Variants in PLCB1 observed in about 807,000 individuals in gnomAD.
The protein encoded by PLCB1 is phospholipase C beta 1.
In PLCB1, 46 loss-of-function variants were observed where a neutral mutation model predicts 161.8. The observed-to-expected ratio is 0.28, with a 90% CI of 0.22 to 0.36. The LOEUF is 0.36. Among genes scored for constraint, PLCB1 ranks in the 10% least tolerant of loss-of-function variants. The pLI, the probability that PLCB1 is intolerant of heterozygous loss-of-function variation, is 1.00. For synonymous variants in PLCB1, 517 were observed against 503.7 expected (o/e 1.03, Z -0.35); for missense variants, 1,016 against 1,472.5 (o/e 0.69, Z 5.07).
At chr20:8,724,299 C>G (rs1208357803) in intron 15 of PLCB1, among the ~76,000 whole-genome samples, 3 of 152,054 alleles carry the variant, frequency 2.0e-5, no homozygotes, top group Non-Finnish European at 4.4e-5. Flanking sequence ...CAGTGCTTCT[C>G]AAACTTTGAT....
chr20:8,395,766 T>C (rs1048057677), intron 3 of PLCB1, among the ~76,000 whole-genome samples: 1 of 151,974 alleles, frequency 6.6e-6, no homozygotes, highest in Non-Finnish European at 1.5e-5. Context: ...AAGGATACTG[T>C]AGAGCATTTG....
At chr20:8,655,583 A>T (rs1265692277) in intron 7 of PLCB1, among the ~76,000 whole-genome samples, 2 of 152,080 alleles carry the variant, frequency 1.3e-5, no homozygotes, top group African/African-American at 4.8e-5. Context: ...GAAGGAAAAG[A>T]GAGGTCAGTA....
At chr20:8,401,058 A>G (rs1036837285) in intron 3 of PLCB1, among the ~76,000 whole-genome samples, 1 of 152,152 alleles carries the variant, frequency 6.6e-6, no homozygotes, top group Non-Finnish European at 1.5e-5. Context: ...ACCATGTTTG[A>G]TTGAATTTTT....
chr20:8,767,697 C>G (rs80008638), intron 26 of PLCB1, among the ~76,000 whole-genome samples: 1 of 152,142 alleles, frequency 6.6e-6, no homozygotes, highest in Non-Finnish European at 1.5e-5. Flanking sequence ...TGGCGGACCA[C>G]AGGGGGCTTC....
At chr20:8,704,083 G>A (rs2123442662) in intron 11 of PLCB1, among the ~76,000 whole-genome samples, 1 of 152,316 alleles carries the variant, frequency 6.6e-6, no homozygotes, top group African/African-American at 2.4e-5. Flanking sequence ...GCCAGGCGCA[G>A]TGGCTCATGC....
intron 2 of PLCB1, among the ~76,000 whole-genome samples, chr20:8,237,836 T>A (rs551840767): frequency 6.6e-6 from 1 of 152,168 alleles, no homozygotes; most frequent in South Asian, 2.1e-4. Flanking sequence ...TCTGCAAAAA[T>A]TGTCTTTTTC....
At chr20:8,631,051 G>A (rs1988571888) in intron 4 of PLCB1, among the ~76,000 whole-genome samples, 1 of 152,200 alleles carries the variant, frequency 6.6e-6, no homozygotes, top group African/African-American at 2.4e-5. Flanking sequence ...GTTCTATAGA[G>A]TATTTTCCCC....
chr20:8,204,274 G>A (rs1978404518), intron 2 of PLCB1, among the ~76,000 whole-genome samples: 1 of 152,082 alleles, frequency 6.6e-6, no homozygotes, highest in South Asian at 2.1e-4. Context: ...TGGAGGATTA[G>A]GGGCTTTTCC....
chr20:8,336,009 A>G (rs1212387380), intron 2 of PLCB1, among the ~76,000 whole-genome samples: 1 of 152,162 alleles, frequency 6.6e-6, no homozygotes, highest in Non-Finnish European at 1.5e-5. Context: ...CAAGGCTGGT[A>G]GAGCAGCAGG....
chr20:8,658,129 GTTTAC>G lies in PLCB1; in HGVS notation c.696-404_696-400del, dbSNP rs550621987. On this transcript the variant is annotated intron_variant, in intron 8 of 31. Transcript: ENST00000338037. ...ACTTTTAAAAACACTCAAACGGGTT[GTTTAC>G]TTTAAGTAATGACAATAAATACATC... Among the ~76,000 whole-genome samples the G allele has an allele frequency of 1.8e-4, 27 of 152,182 alleles. No individual in the cohort carries two copies. In the East Asian group the frequency reaches 4.6e-3, roughly 26 times the overall value.
At chr20:8,263,337 T>G (rs1041434435) in intron 2 of PLCB1, among the ~76,000 whole-genome samples, 1 of 148,920 alleles carries the variant, frequency 6.7e-6, no homozygotes, top group Non-Finnish European at 1.5e-5. Flanking sequence ...GCTGAGCATA[T>G]CATCAATAAA....
At chr20:8,380,877 A>G (rs1176887408) in intron 3 of PLCB1, among the ~76,000 whole-genome samples, 1 of 152,156 alleles carries the variant, frequency 6.6e-6, no homozygotes, top group Non-Finnish European at 1.5e-5. Flanking sequence ...ATATAGAATC[A>G]TGTTGCTGCA....
intron 31 of PLCB1, 104 bp from the exon 32 acceptor site, chr20:8,881,517 TG>T: frequency 1.2e-6 from 1 of 812,902 alleles, no homozygotes; most frequent in Non-Finnish European, 2.1e-6. Context: ...TTTAAGTTAA[TG>T]TATTCATCAG....
At chr20:8,653,940 C>T (rs533084191) in intron 7 of PLCB1, among the ~76,000 whole-genome samples, 19 of 152,092 alleles carry the variant, frequency 1.2e-4, no homozygotes, top group African/African-American at 4.3e-4. Context: ...ATGCCAACTG[C>T]ATAGAGTTGA....
At chr20:8,304,235 G>T (rs1423888358) in intron 2 of PLCB1, among the ~76,000 whole-genome samples, 1 of 152,058 alleles carries the variant, frequency 6.6e-6, no homozygotes, top group African/African-American at 2.4e-5. Context: ...TTATCATGTT[G>T]TCATTAAGAT....
intron 9 of PLCB1, among the ~76,000 whole-genome samples, chr20:8,660,403 A>G (rs969869557): frequency 6.6e-6 from 1 of 152,126 alleles, no homozygotes; most frequent in African/African-American, 2.4e-5. Flanking sequence ...AACAAATCCA[A>G]CAACACTTCT....
intron 2 of PLCB1, among the ~76,000 whole-genome samples, chr20:8,212,893 T>A (rs974667326): frequency 1.3e-5 from 2 of 152,124 alleles, no homozygotes; most frequent in Non-Finnish European, 2.9e-5. Context: ...TTCGTTACCA[T>A]GAAAGCTATA....
rs534956633 is a variant in PLCB1 at position 8,407,506 on chromosome 20, C to T, written c.246+36056C>T. On this transcript the variant is annotated intron_variant, in intron 3 of 31. Transcript: ENST00000338037. Reference sequence around the variant, plus strand: ...GCAAAAGGAACTTCTTACATGGTGGCGGCAAGAGAAAAATGAGGAAGAAGC... The same window carrying T: ...GCAAAAGGAACTTCTTACATGGTGGTGGCAAGAGAAAAATGAGGAAGAAGC... Among the ~76,000 whole-genome samples, 5 of 152,030 alleles carry T rather than the reference C, an allele frequency of 3.3e-5. No individual in the cohort carries two copies. In the South Asian group the frequency reaches 6.2e-4, roughly 19 times the overall value.
chr20:8,203,824 C>T (rs917193898), intron 2 of PLCB1, among the ~76,000 whole-genome samples: 2 of 152,108 alleles, frequency 1.3e-5, no homozygotes, highest in Admixed American at 6.6e-5. Flanking sequence ...TGTTCTTGCC[C>T]TTGAATTGGT....
Sources: allele counts gnomAD v4.1 joint callset (sites outside exome capture counted in the v4.1 genomes callset), GRCh38; gene constraint gnomAD v4.1.1; transcripts MANE v1.5; gene names NCBI Gene and HGNC (gene_info 2026-07-23, HGNC 2026-07-21).